Variants in MARCHF1 observed in about 807,000 individuals in gnomAD.
MARCHF1 encodes membrane associated ring-CH-type finger 1.
A neutral mutation model predicts 54.2 loss-of-function variants in MARCHF1; 40 were observed. That is an observed-to-expected ratio of 0.74 (90% CI 0.57 to 0.96). The LOEUF is 0.96. MARCHF1 is among the 40% of genes least tolerant of loss of function. MARCHF1 has a pLI of 0.00. For synonymous variants in MARCHF1, 236 were observed against 236.3 expected (o/e 1.00, Z 0.01); for missense variants, 586 against 656.5 (o/e 0.89, Z 1.17).
chr4:163,556,250 G>C (rs1177160325), intron 8 of MARCHF1, among the ~76,000 whole-genome samples: 1 of 152,160 alleles, frequency 6.6e-6, no homozygotes, highest in Non-Finnish European at 1.5e-5. Context: ...TGTTAAAATA[G>C]GGAACTGTGT....
intron 5 of MARCHF1, among the ~76,000 whole-genome samples, chr4:163,682,087 A>T (rs113084919): frequency 0.017 from 2,593 of 152,266 alleles, 86 homozygotes; most frequent in African/African-American, 0.057. Flanking sequence ...TCTCAGATGG[A>T]GATGAGGAAC....
chr4:163,822,906 T>A (rs1166076119), intron 4 of MARCHF1, among the ~76,000 whole-genome samples: 1 of 151,870 alleles, frequency 6.6e-6, no homozygotes, highest in African/African-American at 2.4e-5. Context: ...ATTCCACTCA[T>A]AGATATGGGT....
chr4:164,197,351 C>T (rs755203559), intron 1 of MARCHF1: 3 of 1,612,666 alleles, frequency 1.9e-6, no homozygotes, highest in Non-Finnish European at 2.5e-6. Flanking sequence ...AGGTTGGTTA[C>T]CTCGCAATTG....
intron 1 of MARCHF1, among the ~76,000 whole-genome samples, chr4:164,320,881 T>C (rs1735123221): frequency 6.6e-6 from 1 of 152,144 alleles, no homozygotes; most frequent in African/African-American, 2.4e-5. Flanking sequence ...CCAGCTACCA[T>C]CTCTCTGTCT....
At chr4:164,007,596 T>C (rs1392810504) in intron 2 of MARCHF1, among the ~76,000 whole-genome samples, 1 of 151,652 alleles carries the variant, frequency 6.6e-6, no homozygotes, top group South Asian at 2.1e-4. Context: ...AAAGTCAAAA[T>C]GTGGAGGATA....
At chr4:164,264,517 A>C (rs1461826407) in intron 1 of MARCHF1, among the ~76,000 whole-genome samples, 7 of 152,130 alleles carry the variant, frequency 4.6e-5, no homozygotes, top group Non-Finnish European at 1.0e-4. Flanking sequence ...TCTCCTTATC[A>C]TCTACCTGGT....
intron 7 of MARCHF1, among the ~76,000 whole-genome samples, chr4:163,609,280 C>T (rs1341260751): frequency 6.6e-6 from 1 of 151,992 alleles, no homozygotes; most frequent in Non-Finnish European, 1.5e-5. Flanking sequence ...CTCACTATGT[C>T]TTTCCTAAAT....
At chr4:163,556,119 C>A in intron 8 of MARCHF1, 1 of 368,256 alleles carries the variant, frequency 2.7e-6, no homozygotes, top group Admixed American at 3.0e-5. Flanking sequence ...CGTTCAGGAG[C>A]TAATTATTAA....
chr4:163,970,315 C>G (rs923235153), intron 3 of MARCHF1, among the ~76,000 whole-genome samples: 1 of 152,198 alleles, frequency 6.6e-6, no homozygotes, highest in African/African-American at 2.4e-5. Flanking sequence ...AAAGAATCTT[C>G]AATTATCCTG....
At chr4:163,613,082 G>A (rs1269397144) in intron 6 of MARCHF1, 44 bp from the exon 7 acceptor site, 2 of 1,425,704 alleles carry the variant, frequency 1.4e-6, no homozygotes, top group South Asian at 1.5e-5. Flanking sequence ...GGAATGGAGA[G>A]GAAAGCCATG....
chr4:164,154,232 A>G (rs1171365906), intron 1 of MARCHF1, among the ~76,000 whole-genome samples: 2 of 145,548 alleles, frequency 1.4e-5, no homozygotes, highest in Admixed American at 7.0e-5. Flanking sequence ...AAAGAAAAAG[A>G]AAAAGTTTCT....
chr4:163,847,246 CTT>C (rs141552923), intron 4 of MARCHF1, among the ~76,000 whole-genome samples: 2,660 of 152,084 alleles, frequency 0.017, 81 homozygotes, highest in African/African-American at 0.061. Context: ...AAGTTTGAAA[CTT>C]TAACTTTTAA....
intron 8 of MARCHF1, among the ~76,000 whole-genome samples, chr4:163,547,840 C>T (rs1041021282): frequency 6.6e-6 from 1 of 152,142 alleles, no homozygotes; most frequent in African/African-American, 2.4e-5. Flanking sequence ...CTCCTACTGG[C>T]CAATCATCAT....
chr4:163,705,119 T>G (rs1579211285), intron 4 of MARCHF1, among the ~76,000 whole-genome samples: 1 of 151,686 alleles, frequency 6.6e-6, no homozygotes, highest in East Asian at 1.9e-4. Context: ...ATCAAGGAAA[T>G]ATTCAAAAAG....
intron 4 of MARCHF1, among the ~76,000 whole-genome samples, chr4:163,807,024 A>G (rs964734117): frequency 4.6e-5 from 7 of 152,248 alleles, no homozygotes; most frequent in African/African-American, 1.2e-4. Context: ...ATCAGATAAA[A>G]TATGCAAAAT....
intron 1 of MARCHF1, among the ~76,000 whole-genome samples, chr4:164,211,323 G>A (rs1731763868): frequency 1.4e-5 from 1 of 69,344 alleles, no homozygotes. Context: ...ATATGTGTAT[G>A]TATGTATGTA....
rs771590234 is a variant in MARCHF1 at position 164,222,266 on chromosome 4, CAT to C, written c.-322-110606_-322-110605del. Among the ~76,000 whole-genome samples, 470 of 150,060 alleles carry C rather than the reference CAT, an allele frequency of 3.1e-3. 3 individuals are homozygous for C. The highest frequency in any genetic ancestry group is 4.6e-3 in the Non-Finnish European group (311 of 67,492). On this transcript the variant is annotated intron_variant, in intron 1 of 9. Transcript: ENST00000514618. ...TAACAATTGATATTTTTAGGATCAA[CAT>C]GTGTCTTTTTTATCCTTCTGCTTTC...
intron 4 of MARCHF1, among the ~76,000 whole-genome samples, chr4:163,747,371 G>A (rs72995223): frequency 0.03 from 4,557 of 152,220 alleles, 91 homozygotes; most frequent in East Asian, 0.077. Context: ...TGGAACTCCC[G>A]TTTAGGTCTC....
intron 1 of MARCHF1, among the ~76,000 whole-genome samples, chr4:164,351,090 C>G (rs936913205): frequency 5.9e-5 from 9 of 152,250 alleles, no homozygotes; most frequent in African/African-American, 2.2e-4. Flanking sequence ...GATTATATCC[C>G]TCACCTGGCT....
Sources: allele counts gnomAD v4.1 joint callset (sites outside exome capture counted in the v4.1 genomes callset), GRCh38; gene constraint gnomAD v4.1.1; transcripts MANE v1.5; gene names NCBI Gene and HGNC (gene_info 2026-07-23, HGNC 2026-07-21).